STX2: variants seen among roughly 807,000 people sequenced by gnomAD.
STX2 encodes the protein syntaxin 2, also known as syntaxin-2.
In STX2, 27 loss-of-function variants were observed where a neutral mutation model predicts 40.6. That is an observed-to-expected ratio of 0.66 (90% confidence interval 0.49 to 0.92). The LOEUF (loss-of-function observed/expected upper bound fraction) is 0.92. Among genes scored for constraint, STX2 ranks in the 40% least tolerant of loss-of-function variants. The probability of loss-of-function intolerance (pLI) is 0.00; values close to 1 mark genes in which losing one functional copy is unlikely to be tolerated. For missense variants in STX2, 328 were observed against 366.1 expected, an observed-to-expected ratio of 0.90 and a Z score of 0.85; for synonymous variants, 123 against 119.1, an observed-to-expected ratio of 1.03 and a Z score of -0.22.
chr12:130,816,416 C>A lies in STX2; in HGVS notation c.206-3385G>T, dbSNP rs1032096384. Among the ~76,000 whole-genome samples the A allele has an allele frequency of 3.9e-5, 6 of 152,280 alleles. No individual in the cohort carries two copies. In the East Asian group the frequency reaches 1.2e-3, roughly 29 times the overall value. Reference sequence around the variant, plus strand: ...TGAACTTGCTGCCACTACAGGCCCACGGGGCTTGAGCAACTCATCAGCAAA... The same window carrying A: ...TGAACTTGCTGCCACTACAGGCCCAAGGGGCTTGAGCAACTCATCAGCAAA... On this transcript the variant is annotated intron_variant, in intron 3 of 10. Coordinates refer to ENST00000392373, the MANE Select transcript of STX2 (RefSeq NM_194356.4).
intron 8 of STX2, among the ~76,000 whole-genome samples, chr12:130,800,423 C>A (rs1036558479): frequency 1.3e-5 from 2 of 151,984 alleles, no homozygotes; most frequent in Non-Finnish European, 2.9e-5. Context: ...ACCTCAGCCT[C>A]CCAGAGGAGT....
chr12:130,822,663 G>C (rs1013378363), intron 2 of STX2, among the ~76,000 whole-genome samples: 1 of 152,166 alleles, frequency 6.6e-6, no homozygotes, highest in Non-Finnish European at 1.5e-5. Flanking sequence ...GGGCCTGGGA[G>C]TTACCTTATA....
intron 1 of STX2, among the ~76,000 whole-genome samples, chr12:130,833,299 GCCA>G (rs3048047): frequency 0.46 from 69,734 of 151,252 alleles, 19,333 homozygotes; most frequent in East Asian, 0.87. Context: ...GCACAAAACG[GCCA>G]CGACACAAGG....
At chr12:130,804,621 G>T (rs546394411) in intron 6 of STX2, among the ~76,000 whole-genome samples, 1 of 152,074 alleles carries the variant, frequency 6.6e-6, no homozygotes, top group African/African-American at 2.4e-5. Flanking sequence ...CTGTTCGTAC[G>T]TCCCTAGCCA....
chr12:130,831,346 A>C (rs1201244499), intron 1 of STX2, among the ~76,000 whole-genome samples: 1 of 152,250 alleles, frequency 6.6e-6, no homozygotes, highest in Non-Finnish European at 1.5e-5. Flanking sequence ...GGGTAAAAAA[A>C]GAAAAGAATA....
In STX2 at chr12:130,791,747, C is replaced by T. The variant is rs779591049; in HGVS notation, c.*276G>A. 11 of 656,936 alleles carry T rather than the reference C, an allele frequency of 1.7e-5. No homozygotes were observed. The East Asian group carries it at 2.0e-4, about 12-fold the overall frequency. 40.7% of individuals were successfully genotyped at this position (656,936 alleles called of 1,614,324 possible). A position where few individuals can be genotyped will look rare whatever the true frequency, so the allele number is the denominator to read the frequency against. ...CGGCGCTGTCACTGAACAAGACGTT[C>T]GGTTGTGCTTCTTCCGTGAACTCAT... On this transcript the variant is annotated 3_prime_UTR_variant, in exon 11 of 11. Transcript: ENST00000392373.
intron 2 of STX2, among the ~76,000 whole-genome samples, chr12:130,824,753 T>C (rs147352949): frequency 2.6e-5 from 4 of 152,232 alleles, no homozygotes; most frequent in South Asian, 2.1e-4. Flanking sequence ...CTATGTGATA[T>C]TGAAGATCAG....
At position 130,829,476 on chromosome 12, in the gene STX2, G is replaced by A. The variant is rs367801696; in HGVS notation, c.31-2209C>T. Reference sequence around the variant, plus strand: ...TCTAACAAGCACACTCTACCCTGGGGGAAGATGGGATGCGGGGAGGAGCTG... The same window carrying A: ...TCTAACAAGCACACTCTACCCTGGGAGAAGATGGGATGCGGGGAGGAGCTG... On this transcript the variant is annotated intron_variant, in intron 1 of 10. Coordinates refer to ENST00000392373, the MANE Select transcript of STX2 (RefSeq NM_194356.4). Among the ~76,000 whole-genome samples, 19 of 152,018 alleles carry A rather than the reference G, an allele frequency of 1.2e-4. No homozygotes were observed. The East Asian group carries it at 1.6e-3, about 13-fold the overall frequency.
At chr12:130,808,364 T>C (rs1226062453) in intron 5 of STX2, among the ~76,000 whole-genome samples, 1 of 152,178 alleles carries the variant, frequency 6.6e-6, no homozygotes, top group Non-Finnish European at 1.5e-5. Flanking sequence ...CTTTAAATAC[T>C]GAAGTCCTCA....
chr12:130,818,127 A>C (rs1359668818), intron 3 of STX2, among the ~76,000 whole-genome samples: 1 of 139,492 alleles, frequency 7.2e-6, no homozygotes, highest in Non-Finnish European at 1.5e-5. Context: ...CCTGCAGGGG[A>C]GGGGACAGGA....
chr12:130,796,314 C>T (rs1951027112), intron 9 of STX2, among the ~76,000 whole-genome samples, 194 bp from the exon 10 acceptor site: 2 of 152,128 alleles, frequency 1.3e-5, no homozygotes, highest in South Asian at 2.1e-4. Flanking sequence ...GCCAACATGG[C>T]GAAACCCTGT....
At chr12:130,792,229 T>G (rs565727939) in intron 10 of STX2, among the ~76,000 whole-genome samples, 95 of 152,100 alleles carry the variant, frequency 6.2e-4, no homozygotes, top group African/African-American at 2.2e-3. Flanking sequence ...CCCAGCTAAT[T>G]TTTGTATTTT....
Position 130,823,347 on chromosome 12 carries a change from T to C in STX2, c.106-1559A>G, listed in dbSNP as rs540495588. ...AAAAGGAAGAAGTAATTATTAACCA[T>C]TACATGTTGTGGCACAATCCACACC... is the stretch of plus-strand genomic sequence containing the variant. On this transcript the variant is annotated intron_variant, in intron 2 of 10. Coordinates refer to ENST00000392373, the MANE Select transcript of STX2 (RefSeq NM_194356.4). 4.6e-5 allele frequency among the ~76,000 whole-genome samples: 7 copies of C among 152,272 alleles called. No homozygotes were observed. In the East Asian group the frequency reaches 7.7e-4, roughly 17 times the overall value.
intron 8 of STX2, among the ~76,000 whole-genome samples, chr12:130,800,944 A>G (rs576400426): frequency 6.6e-6 from 1 of 152,346 alleles, no homozygotes; most frequent in East Asian, 1.9e-4. Flanking sequence ...CCATAATTTA[A>G]TCAACTGAAC....
chr12:130,817,952 G>C (rs114197270), intron 3 of STX2, among the ~76,000 whole-genome samples: 3,204 of 151,752 alleles, frequency 0.021, 128 homozygotes, highest in African/African-American at 0.074. Context: ...CCCAGCCTGT[G>C]GTGGGGGCAG....
chr12:130,798,214 T>C (rs1302549803), intron 9 of STX2, among the ~76,000 whole-genome samples: 3 of 144,076 alleles, frequency 2.1e-5, no homozygotes, highest in African/African-American at 7.8e-5. Context: ...TCCATTGCAC[T>C]CTACTAGCCT....
At chr12:130,830,377 C>T (rs913948248) in intron 1 of STX2, among the ~76,000 whole-genome samples, 2 of 151,860 alleles carry the variant, frequency 1.3e-5, no homozygotes, top group African/African-American at 4.8e-5. Flanking sequence ...GCTCAACCCT[C>T]CTCTCCCATG....
intron 1 of STX2, among the ~76,000 whole-genome samples, chr12:130,827,820 T>C (rs1952382573): frequency 6.6e-6 from 1 of 152,084 alleles, no homozygotes; most frequent in Non-Finnish European, 1.5e-5. Context: ...GTGGGAGGAC[T>C]ACCTGAACCT....
At chr12:130,806,802 T>C (rs1052973164) in intron 6 of STX2, among the ~76,000 whole-genome samples, 180 bp downstream of exon 6, 3 of 152,204 alleles carry the variant, frequency 2.0e-5, no homozygotes, top group African/African-American at 7.2e-5. Flanking sequence ...TAGGACTTCC[T>C]GAAGACAGGA....
Sources: allele counts gnomAD v4.1 joint callset (sites outside exome capture counted in the v4.1 genomes callset), GRCh38; gene constraint gnomAD v4.1.1; transcripts MANE v1.5; gene names NCBI Gene and HGNC (gene_info 2026-07-23, HGNC 2026-07-21).